KCNK12: variants seen among roughly 807,000 people sequenced by gnomAD.
KCNK12 encodes potassium channel subfamily K member 12.
In KCNK12, 6 loss-of-function variants were observed where a neutral mutation model predicts 25.3. That is an observed-to-expected ratio of 0.24 (90% confidence interval 0.13 to 0.47). The LOEUF (loss-of-function observed/expected upper bound fraction) is 0.47. Among genes scored for constraint, KCNK12 ranks in the 20% least tolerant of loss-of-function variants. The pLI, the probability that KCNK12 is intolerant of heterozygous loss-of-function variation, is 0.99. For synonymous variants in KCNK12, 331 were observed against 311.1 expected (o/e 1.06, Z -0.67); for missense variants, 444 against 661.7 (o/e 0.67, Z 3.61).
rs1374927009 is a variant in KCNK12, at chr2:47,518,130, C to T, written c.*2777G>A. The T allele has an allele frequency of 1.3e-5, 2 of 152,200 alleles. No individual in the cohort carries two copies. The highest frequency in any genetic ancestry group is 3.9e-4 in the East Asian group (2 of 5,194). The allele number at this position is 152,200 out of a possible 1,614,324, so 9.4% of individuals were successfully genotyped here. A position where few individuals can be genotyped will look rare whatever the true frequency, so the allele number is the denominator to read the frequency against. On this transcript the variant is annotated 3_prime_UTR_variant, in exon 2 of 2. Coordinates refer to ENST00000327876, the MANE Select transcript of KCNK12 (RefSeq NM_022055.2). The surrounding 1 kb of genome is among the most constrained non-coding windows in gnomAD (Gnocchi z 4.1). ...ACTGTTCCTGAAATGATGGGAGAAC[C>T]ACATCCCTGCTTCAGGGAAGCAGTC...
At chr2:47,568,691 C>T (rs1669830511) in intron 1 of KCNK12, among the ~76,000 whole-genome samples, 1 of 152,182 alleles carries the variant, frequency 6.6e-6, no homozygotes, top group South Asian at 2.1e-4. Context: ...AACTGGCATA[C>T]CAAACCACTC....
intron 1 of KCNK12, among the ~76,000 whole-genome samples, chr2:47,553,012 C>G (rs1669471949): frequency 2.6e-5 from 4 of 152,182 alleles, no homozygotes; most frequent in Admixed American, 2.0e-4. Context: ...TCCCCCAGTT[C>G]CTATCCCTAG....
chr2:47,523,040 A>G (rs1394985099), intron 1 of KCNK12, among the ~76,000 whole-genome samples: 2 of 152,128 alleles, frequency 1.3e-5, no homozygotes, highest in Non-Finnish European at 2.9e-5. Context: ...TTCTTTCCTC[A>G]AGTTATTTGG....
At position 47,520,862 on chromosome 2, in the gene KCNK12, G is replaced by T; in HGVS notation, c.*45C>A. The T allele has an allele frequency of 8.4e-7, 1 of 1,196,114 alleles. No individual in the cohort carries two copies. Among genetic ancestry groups the T allele is most frequent in the Non-Finnish European group, 1.0e-6 (1 of 954,460 alleles). The allele number at this position is 1,196,114 out of a possible 1,614,324, so 74.1% of individuals were successfully genotyped here. Reference sequence around the variant, plus strand: ...TGAGAGAAGCAAACCACGCCCGGCGGCCCCGCGGCCTGGAGAGGGTCCCCG... The same window carrying T: ...TGAGAGAAGCAAACCACGCCCGGCGTCCCCGCGGCCTGGAGAGGGTCCCCG... On this transcript the variant is annotated 3_prime_UTR_variant, in exon 2 of 2. Coordinates refer to ENST00000327876, the MANE Select transcript of KCNK12 (RefSeq NM_022055.2). This position sits in a 1 kb window ranked among gnomAD's most constrained non-coding sequence, Gnocchi z 5.0.
In KCNK12 at chr2:47,562,912, T is replaced by C; in HGVS notation, c.391+7029A>G. On this transcript the variant is annotated intron_variant, in intron 1 of 1. Transcript: ENST00000327876. The surrounding 1 kb of genome is among the most constrained non-coding windows in gnomAD (Gnocchi z 4.8). ...GGGCTCCACACACTTTCCGGATTGCTGGCTGGTGGCCCCATGCAGAGCCCC... is the reference window on the plus strand; with the variant it reads ...GGGCTCCACACACTTTCCGGATTGCCGGCTGGTGGCCCCATGCAGAGCCCC... The C allele has an allele frequency of 4.3e-6, 1 of 233,326 alleles. No individual in the cohort carries two copies. 14.5% of individuals were successfully genotyped at this position (233,326 alleles called of 1,614,324 possible). A position where few individuals can be genotyped will look rare whatever the true frequency, so the allele number is the denominator to read the frequency against.
At chr2:47,553,891 A>T (rs968699605) in intron 1 of KCNK12, among the ~76,000 whole-genome samples, 11 of 152,192 alleles carry the variant, frequency 7.2e-5, no homozygotes, top group Admixed American at 2.6e-4. Flanking sequence ...GTGGCATCAG[A>T]CATACTGGAA....
chr2:47,550,077 A>G (rs1669394528), intron 1 of KCNK12, among the ~76,000 whole-genome samples: 1 of 152,226 alleles, frequency 6.6e-6, no homozygotes, highest in South Asian at 2.1e-4. Flanking sequence ...TAACCAAAAA[A>G]AGACTGAAAA....
At chr2:47,530,438 C>A (rs6751501) in intron 1 of KCNK12, among the ~76,000 whole-genome samples, 1 of 152,090 alleles carries the variant, frequency 6.6e-6, no homozygotes, top group South Asian at 2.1e-4. Flanking sequence ...AACCGACCAC[C>A]GTGGACAAGC....
chr2:47,532,395 T>C (rs1011375278), intron 1 of KCNK12, among the ~76,000 whole-genome samples: 2 of 152,148 alleles, frequency 1.3e-5, no homozygotes, highest in African/African-American at 4.8e-5. Flanking sequence ...AGGATCTTGC[T>C]CTGTCACCCA....
chr2:47,545,949 C>G, intron 1 of KCNK12, among the ~76,000 whole-genome samples: 1 of 150,456 alleles, frequency 6.6e-6, no homozygotes. Context: ...TTGCTCAGGG[C>G]TGGGGCAGCC....
intron 1 of KCNK12, among the ~76,000 whole-genome samples, chr2:47,526,283 G>A (rs1325522063): frequency 6.6e-6 from 1 of 151,044 alleles, no homozygotes; most frequent in African/African-American, 2.4e-5. Context: ...GCGGGTGCCT[G>A]TAGTCCCAGC....
In KCNK12 at chr2:47,569,895, G is replaced by A; in HGVS notation, c.391+46C>T. On this transcript the variant is annotated intron_variant, in intron 1 of 1. Transcript: ENST00000327876. The surrounding 1 kb of genome is among the most constrained non-coding windows in gnomAD (Gnocchi z 4.1). Reference sequence around the variant, plus strand: ...GGCCGAGCAGTGGAAAGGGCGGCAGGTGAAAGGCACAGAGAGGAAAGATGC... The same window carrying A: ...GGCCGAGCAGTGGAAAGGGCGGCAGATGAAAGGCACAGAGAGGAAAGATGC... 7.7e-7 allele frequency: 1 copy of A among 1,299,860 alleles called. No individual in the cohort carries two copies. Among genetic ancestry groups the A allele is most frequent in the African/African-American group, 1.5e-5 (1 of 64,612 alleles). 80.5% of individuals were successfully genotyped at this position (1,299,860 alleles called of 1,614,324 possible). A position where few individuals can be genotyped will look rare whatever the true frequency, so the allele number is the denominator to read the frequency against.
intron 1 of KCNK12, among the ~76,000 whole-genome samples, chr2:47,550,303 G>C (rs1281316224): frequency 6.6e-6 from 1 of 150,728 alleles, no homozygotes; most frequent in Non-Finnish European, 1.5e-5. Flanking sequence ...TGAAAGTCAG[G>C]AATGAAGAGA....
At chr2:47,534,642 A>C (rs1669020412) in intron 1 of KCNK12, among the ~76,000 whole-genome samples, 1 of 151,408 alleles carries the variant, frequency 6.6e-6, no homozygotes, top group South Asian at 2.1e-4. Flanking sequence ...ATGAACCCGG[A>C]GTGAGGAGCA....
chr2:47,532,281 C>T, intron 1 of KCNK12, among the ~76,000 whole-genome samples: 1 of 150,022 alleles, frequency 6.7e-6, no homozygotes, highest in East Asian at 1.9e-4. Context: ...GGGCCACCTG[C>T]TTGAGTCTGC....
Position 47,513,378 on chromosome 2 carries a change from C to T in KCNK12, c.*7529G>A, listed in dbSNP as rs1046598715. The T allele has an allele frequency of 6.6e-6, 1 of 152,254 alleles. No homozygotes were observed. The highest frequency in any genetic ancestry group is 1.9e-4 in the East Asian group (1 of 5,188). The allele number at this position is 152,254 out of a possible 1,614,324, so 9.4% of individuals were successfully genotyped here. On this transcript the variant is annotated 3_prime_UTR_variant, in exon 2 of 2. Coordinates refer to ENST00000327876, the MANE Select transcript of KCNK12 (RefSeq NM_022055.2). Reference sequence around the variant, plus strand: ...CTTGGCACTTATTCCTTCTTGAAACCCTTGTTTCCCTTGGCTTTGTGGCAT... The same window carrying T: ...CTTGGCACTTATTCCTTCTTGAAACTCTTGTTTCCCTTGGCTTTGTGGCAT...
At chr2:47,534,545 A>T (rs1669017165) in intron 1 of KCNK12, among the ~76,000 whole-genome samples, 1 of 122,876 alleles carries the variant, frequency 8.1e-6, no homozygotes, top group South Asian at 3.2e-4. Flanking sequence ...ACACAGAAAG[A>T]GCAGAGCCCT....
At position 47,529,852 on chromosome 2, in the gene KCNK12, A is replaced by G. The variant is rs1295300314; in HGVS notation, c.392-8044T>C. 6.6e-6 allele frequency among the ~76,000 whole-genome samples: 1 copy of G among 152,244 alleles called. No individual in the cohort carries two copies. The highest frequency in any genetic ancestry group is 1.5e-5 in the Non-Finnish European group (1 of 68,042). On this transcript the variant is annotated intron_variant, in intron 1 of 1. Transcript: ENST00000327876. This position sits in a 1 kb window ranked among gnomAD's most constrained non-coding sequence, Gnocchi z 4.3. ...TAAATATGACTTGGGTAAACAAGAA[A>G]TCATTTTTTAAGTATAAGTATGTCC... is the stretch of plus-strand genomic sequence containing the variant.
In KCNK12 at chr2:47,547,838, T is replaced by TG. The variant is rs1356631173; in HGVS notation, c.391+22102dup. On this transcript the variant is annotated intron_variant, in intron 1 of 1. Coordinates refer to ENST00000327876, the MANE Select transcript of KCNK12 (RefSeq NM_022055.2). This position sits in a 1 kb window ranked among gnomAD's most constrained non-coding sequence, Gnocchi z 5.0. ...GTCTCGAACTCCTACCACATATAAG[T>TG]GGTTCTCACTCCTGGCTACATATTA... Among the ~76,000 whole-genome samples, 4 of 152,176 alleles carry TG rather than the reference T, an allele frequency of 2.6e-5. No individual in the cohort carries two copies. The highest frequency in any genetic ancestry group is 1.3e-4 in the Admixed American group (2 of 15,288).
Sources: gnomAD v4.1 joint callset for allele counts (sites outside exome capture counted in the v4.1 genomes callset) on GRCh38, gnomAD v4.1.1 for gene constraint, Gnocchi (gnomAD v3.1) non-coding constraint, MANE v1.5 for transcripts, NCBI Gene and HGNC (gene_info 2026-07-23, HGNC 2026-07-21) for gene names.